CNTN4: variants seen among roughly 807,000 people sequenced by gnomAD.
The protein encoded by CNTN4 is contactin 4.
In CNTN4, 77 loss-of-function variants were observed where a neutral mutation model predicts 122.5. The ratio of observed to expected loss-of-function variants is 0.63; its 90% CI spans 0.52 to 0.76. The LOEUF (loss-of-function observed/expected upper bound fraction) is 0.76, where lower values mean the gene tolerates loss of function less well. Ranked by LOEUF, CNTN4 falls within the 30% of genes least tolerant of loss-of-function variation. The pLI is 0.00. For synonymous variants in CNTN4, 512 were observed against 447.0 expected (o/e 1.15, Z -1.83); for missense variants, 1,256 against 1,259.1 (o/e 1.00, Z 0.04).
At chr3:2,272,120 G>A (rs886597361) in intron 2 of CNTN4, among the ~76,000 whole-genome samples, 12 of 151,262 alleles carry the variant, frequency 7.9e-5, no homozygotes, top group Admixed American at 1.3e-4. Context: ...ATTCTAATGA[G>A]TACTTTCTTG....
At chr3:2,125,562 C>CTT (rs201659840) in intron 2 of CNTN4, among the ~76,000 whole-genome samples, 1 of 124,008 alleles carries the variant, frequency 8.1e-6, no homozygotes, top group Non-Finnish European at 1.7e-5. Context: ...TTTTCTTTTT[C>CTT]TTTTTTTTTT....
intron 6 of CNTN4, among the ~76,000 whole-genome samples, chr3:2,803,232 A>G (rs1354151749): frequency 6.6e-6 from 1 of 152,214 alleles, no homozygotes; most frequent in Non-Finnish European, 1.5e-5. Flanking sequence ...AGAAATCATG[A>G]ATTATCATTT....
intron 14 of CNTN4, among the ~76,000 whole-genome samples, chr3:3,014,462 T>A (rs887412813): frequency 1.3e-5 from 2 of 152,160 alleles, no homozygotes; most frequent in Admixed American, 6.5e-5. Context: ...AGATAGAGCT[T>A]GCCCAACAAA....
intron 3 of CNTN4, among the ~76,000 whole-genome samples, chr3:2,364,437 G>A (rs796102970): frequency 1.1e-4 from 16 of 152,210 alleles, no homozygotes; most frequent in African/African-American, 2.2e-4. Context: ...GCACAGCAGG[G>A]AGAAAGGGGT....
chr3:2,892,988 A>C (rs570435258), intron 10 of CNTN4, among the ~76,000 whole-genome samples: 39 of 152,190 alleles, frequency 2.6e-4, no homozygotes, highest in Non-Finnish European at 4.4e-4. Flanking sequence ...ATTTTAATAC[A>C]ATAGGTAAGG....
chr3:2,352,823 T>G (rs112933686), intron 3 of CNTN4, among the ~76,000 whole-genome samples: 3 of 152,206 alleles, frequency 2.0e-5, no homozygotes, highest in African/African-American at 7.2e-5. Context: ...CGAAGCCAGC[T>G]GGGCTGCTGA....
chr3:2,543,516 C>T (rs984537875), intron 3 of CNTN4, among the ~76,000 whole-genome samples: 1 of 152,042 alleles, frequency 6.6e-6, no homozygotes, highest in Non-Finnish European at 1.5e-5. Flanking sequence ...CTGGACTCTG[C>T]TGTGCATTCA....
rs2091579610 is a variant in CNTN4 at position 2,781,753 on chromosome 3, G to GGC, written c.358+36056_358+36057insGC. Among the ~76,000 whole-genome samples the GGC allele has an allele frequency of 2.7e-5, 3 of 111,074 alleles. No individual in the cohort carries two copies. The Admixed American group carries it at 3.1e-4, about 12-fold the overall frequency. The allele number at this position is 111,074 out of a possible 152,430, so 72.9% of individuals were successfully genotyped here. ...TTTTTTTTTTTTTTTGAGACGGAGT[G>GGC]TCGCTCTGTCGCCCAGGCTGGAGGG... On this transcript the variant is annotated intron_variant, in intron 6 of 24. Coordinates refer to ENST00000418658, the MANE Select transcript of CNTN4 (RefSeq NM_175607.3).
At chr3:2,586,946 C>G (rs9842323) in intron 4 of CNTN4, among the ~76,000 whole-genome samples, 1 of 151,976 alleles carries the variant, frequency 6.6e-6, no homozygotes, top group Non-Finnish European at 1.5e-5. Context: ...TCCTCCTTCC[C>G]TCCTTTGATT....
chr3:2,973,462 C>T (rs1693125455), intron 13 of CNTN4, among the ~76,000 whole-genome samples: 1 of 151,960 alleles, frequency 6.6e-6, no homozygotes, highest in South Asian at 2.1e-4. Flanking sequence ...TTCCGAAGGC[C>T]TGAAAGTGTT....
chr3:2,500,452 A>G (rs1164041361), intron 3 of CNTN4, among the ~76,000 whole-genome samples: 1 of 152,010 alleles, frequency 6.6e-6, no homozygotes, highest in African/African-American at 2.4e-5. Flanking sequence ...TTTTTTCTTA[A>G]GTGTTTGAAA....
chr3:2,534,541 T>C lies in CNTN4; in HGVS notation c.-88-36875T>C, dbSNP rs560351290. Among the ~76,000 whole-genome samples, 33 of 152,206 alleles carry C rather than the reference T, an allele frequency of 2.2e-4. No homozygotes were observed. The South Asian group carries it at 6.9e-3, about 32-fold the overall frequency. ...TGGGTGCACTTGGGCTTAGTGCTTTTTCTGAGACACTGTGTTGAGCGGAGA... is the reference window on the plus strand; with the variant it reads ...TGGGTGCACTTGGGCTTAGTGCTTTCTCTGAGACACTGTGTTGAGCGGAGA... On this transcript the variant is annotated intron_variant, in intron 3 of 24. Coordinates refer to ENST00000418658, the MANE Select transcript of CNTN4 (RefSeq NM_175607.3).
Position 2,900,675 on chromosome 3 carries a change from A to G in CNTN4, c.941-10A>G, listed in dbSNP as rs180739828. The G allele has an allele frequency of 9.9e-4, 1,590 of 1,613,480 alleles. 16 individuals carry two copies. The highest frequency in any genetic ancestry group is 1.4e-4 in the Non-Finnish European group (167 of 1,179,452). On this transcript the variant is annotated splice_polypyrimidine_tract_variant and intron_variant, in intron 10 of 24. Transcript: ENST00000418658. ...ATATACACCTTTCTTTGCTTTTTGGATGCCTATAGCTCAACCTAATTGGAT... is the reference window on the plus strand; with the variant it reads ...ATATACACCTTTCTTTGCTTTTTGGGTGCCTATAGCTCAACCTAATTGGAT...
At chr3:2,491,801 C>T (rs1345973364) in intron 3 of CNTN4, among the ~76,000 whole-genome samples, 7 of 152,178 alleles carry the variant, frequency 4.6e-5, no homozygotes, top group Non-Finnish European at 1.0e-4. Context: ...TAGAAATCGA[C>T]ATTTTCTCGA....
intron 10 of CNTN4, among the ~76,000 whole-genome samples, chr3:2,895,392 G>A (rs148169274): frequency 4.6e-5 from 7 of 152,240 alleles, no homozygotes; most frequent in Admixed American, 1.3e-4. Context: ...TTGTTATCTC[G>A]CATACAGATT....
At chr3:2,872,727 A>G (rs144606016) in intron 8 of CNTN4, among the ~76,000 whole-genome samples, 152 of 152,178 alleles carry the variant, frequency 1.0e-3, no homozygotes, top group African/African-American at 3.5e-3. Context: ...CCATTTCTAT[A>G]TTTACATACA....
intron 13 of CNTN4, among the ~76,000 whole-genome samples, chr3:2,939,916 A>G (rs1238047302): frequency 1.3e-5 from 2 of 152,214 alleles, no homozygotes; most frequent in Non-Finnish European, 2.9e-5. Context: ...GCTTGATGTT[A>G]GCCATCGGCA....
At chr3:2,215,254 A>G (rs2149460672) in intron 2 of CNTN4, among the ~76,000 whole-genome samples, 1 of 152,314 alleles carries the variant, frequency 6.6e-6, no homozygotes, top group Non-Finnish European at 1.5e-5. Flanking sequence ...CTATAATACA[A>G]TATCCTTGGC....
intron 7 of CNTN4, among the ~76,000 whole-genome samples, chr3:2,852,424 G>C (rs1019180795): frequency 3.3e-5 from 5 of 152,016 alleles, no homozygotes; most frequent in Admixed American, 1.3e-4. Flanking sequence ...ATTTAGAATG[G>C]GTCTTCAGAA....
Sources: allele counts gnomAD v4.1 joint callset (sites outside exome capture counted in the v4.1 genomes callset), GRCh38; gene constraint gnomAD v4.1.1; transcripts MANE v1.5; gene names NCBI Gene and HGNC (gene_info 2026-07-23, HGNC 2026-07-21).